ACOT11: variants seen among roughly 807,000 people sequenced by gnomAD.
ACOT11 encodes acyl-coenzyme A thioesterase 11.
ACOT11 carries 69 observed loss-of-function variants against 77.5 expected under a neutral mutation model. The ratio of observed to expected loss-of-function variants is 0.89; its 90% CI spans 0.73 to 1.09. ACOT11 has a LOEUF of 1.09. ACOT11 is among the 50% of genes least tolerant of loss of function. The pLI, the probability that ACOT11 is intolerant of heterozygous loss-of-function variation, is 0.00. For synonymous variants in ACOT11, 279 were observed against 313.0 expected (o/e 0.89, Z 1.15); for missense variants, 766 against 813.7 (o/e 0.94, Z 0.71).
intron 8 of ACOT11, among the ~76,000 whole-genome samples, chr1:54,600,820 C>A (rs573561344): frequency 2.0e-4 from 30 of 152,338 alleles, no homozygotes; most frequent in African/African-American, 7.2e-4. Flanking sequence ...TCCACCTCCA[C>A]CTCCTGGTTT....
downstream of ACOT11, among the ~76,000 whole-genome samples, chr1:54,615,094 G>T (rs77314204): frequency 0.031 from 4,653 of 152,224 alleles, 245 homozygotes; most frequent in African/African-American, 0.11. Context: ...CATCTCCTGC[G>T]GGGAGGAAAC....
At chr1:54,616,372 T>G (rs112151783) in intron 15 of ACOT11, among the ~76,000 whole-genome samples, 2,659 of 147,966 alleles carry the variant, frequency 0.018, 73 homozygotes, top group African/African-American at 0.063. Context: ...TAGGTTTTTG[T>G]TTTTTTTTTG....
intron 1 of ACOT11, among the ~76,000 whole-genome samples, chr1:54,577,556 T>TG (rs1409685047): frequency 1.7e-3 from 256 of 152,342 alleles, no homozygotes; most frequent in African/African-American, 5.6e-3. Context: ...TATATTACAA[T>TG]TTATTCATTT....
At chr1:54,588,153 A>G (rs1463920538) in intron 3 of ACOT11, among the ~76,000 whole-genome samples, 1 of 151,992 alleles carries the variant, frequency 6.6e-6, no homozygotes, top group Non-Finnish European at 1.5e-5. Flanking sequence ...GCAGTGAGCC[A>G]GGATTACACC....
chr1:54,560,563 C>T (rs1653435097), intron 1 of ACOT11, among the ~76,000 whole-genome samples: 1 of 152,220 alleles, frequency 6.6e-6, no homozygotes, highest in South Asian at 2.1e-4. Context: ...AGGTCTCACT[C>T]TGTTGTGCAG....
intron 15 of ACOT11, among the ~76,000 whole-genome samples, chr1:54,629,280 T>C (rs1298243991): frequency 7.6e-6 from 1 of 132,360 alleles, no homozygotes; most frequent in African/African-American, 2.6e-5. Context: ...ATAACATGGT[T>C]TTTTTCTTTT....
intron 1 of ACOT11, among the ~76,000 whole-genome samples, chr1:54,567,681 C>A (rs554275773): frequency 6.6e-6 from 1 of 152,240 alleles, no homozygotes; most frequent in Non-Finnish European, 1.5e-5. Flanking sequence ...GCAGGTGTAG[C>A]TGCCGCTTCC....
Position 54,618,631 on chromosome 1 carries a change from G to A in ACOT11, c.1629+10563G>A, listed in dbSNP as rs192670682. Among the ~76,000 whole-genome samples, 224 of 152,252 alleles carry A rather than the reference G, an allele frequency of 1.5e-3. 1 individual carries two copies. Among genetic ancestry groups the A allele is most frequent in the African/African-American group, 5.1e-3 (211 of 41,544 alleles). On this transcript the variant is annotated intron_variant, in intron 15 of 16. Coordinates refer to the ACOT11 transcript ENST00000371316. ...GGAGGAGAAAGAGATGAGAGGAAAGGATTTGTTTCCTGTGGCCACAGCTGT... is the reference window on the plus strand; with the variant it reads ...GGAGGAGAAAGAGATGAGAGGAAAGAATTTGTTTCCTGTGGCCACAGCTGT...
chr1:54,614,585 G>C (rs1179798541), downstream of ACOT11: 1 of 1,072,284 alleles, frequency 9.3e-7, no homozygotes, highest in East Asian at 2.6e-5. Flanking sequence ...TCAGAGGTGA[G>C]GCTATATATA....
chr1:54,562,319 G>T (rs1653542681), intron 1 of ACOT11, among the ~76,000 whole-genome samples: 5 of 95,326 alleles, frequency 5.2e-5, no homozygotes, highest in Non-Finnish European at 6.3e-5. Flanking sequence ...TGGGGGGGCT[G>T]ACCCCCCCAT....
At chr1:54,614,564 T>G, downstream of ACOT11, 3 of 821,938 alleles carry the variant, frequency 3.6e-6, no homozygotes, top group Non-Finnish European at 5.5e-6. Flanking sequence ...GGGAACAGCA[T>G]GTGCAAAGGC....
intron 1 of ACOT11, among the ~76,000 whole-genome samples, chr1:54,554,319 G>GTA (rs1238767601): frequency 3.8e-4 from 33 of 87,274 alleles, no homozygotes; most frequent in African/African-American, 1.2e-3. Flanking sequence ...GTGTGTGTGT[G>GTA]TGTGTGTGTG....
At chr1:54,550,149 G>C (rs144501839) in intron 1 of ACOT11, among the ~76,000 whole-genome samples, 1 of 152,236 alleles carries the variant, frequency 6.6e-6, no homozygotes, top group African/African-American at 2.4e-5. Context: ...GAACCCAGCA[G>C]TTTGGCCCCA....
chr1:54,606,640 C>T (rs915519398), intron 13 of ACOT11, among the ~76,000 whole-genome samples: 3 of 152,202 alleles, frequency 2.0e-5, no homozygotes, highest in African/African-American at 4.8e-5. Context: ...ATACTAAAAG[C>T]GTCTACAGCA....
chr1:54,573,773 C>T (rs1654004262), intron 1 of ACOT11, among the ~76,000 whole-genome samples: 1 of 151,638 alleles, frequency 6.6e-6, no homozygotes, highest in African/African-American at 2.4e-5. Context: ...CTCACACCTG[C>T]AATCCTAGCA....
At chr1:54,600,266 C>T (rs543663051) in intron 8 of ACOT11, among the ~76,000 whole-genome samples, 3 of 152,194 alleles carry the variant, frequency 2.0e-5, no homozygotes, top group East Asian at 3.9e-4. Flanking sequence ...ATCTGGAATC[C>T]TTGGAAAAAT....
rs780238667 is a variant in ACOT11, at chr1:54,605,149, C to T, written c.1310C>T (p.Ala437Val). 3 of 1,613,946 alleles carry T rather than the reference C, an allele frequency of 1.9e-6. No homozygotes were observed. The Admixed American group carries it at 5.0e-5, about 27-fold the overall frequency. Residue 437 changes from alanine to valine, a missense_variant, in exon 13 of 16, where the codon GCC (alanine) becomes GTC (valine). Physicochemically the swap from Ala to Val is moderately conservative, Grantham distance 64 (BLOSUM62 0). Coordinates refer to ENST00000343744, the MANE Select transcript of ACOT11 (RefSeq NM_147161.4). ...HMEMVVHVDA[A>V]QAFLLLSDLR... ...GAGATGGTGGTGCATGTGGATGCAG[C>T]CCAGGCCTTCCTGCTGCTCTCGGAC...
At position 54,584,562 on chromosome 1, in the gene ACOT11, C is replaced by T. The variant is rs1654429466; in HGVS notation, c.34-93C>T. 7.2e-6 allele frequency: 9 copies of T among 1,256,824 alleles called. No homozygotes were observed. The highest frequency in any genetic ancestry group is 1.5e-5 in the African/African-American group (1 of 67,230). 77.9% of individuals were successfully genotyped at this position (1,256,824 alleles called of 1,614,324 possible). On this transcript the variant is annotated intron_variant, in intron 1 of 15. Coordinates refer to ENST00000343744, the MANE Select transcript of ACOT11 (RefSeq NM_147161.4). This position sits in a 1 kb window ranked among gnomAD's most constrained non-coding sequence, Gnocchi z 6.3. Reference sequence around the variant, plus strand: ...GAGGTGGCCCTAGGTACTCTCTCTCCCCCAGACCCTAAGTTCTCAGGGCTG... The same window carrying T: ...GAGGTGGCCCTAGGTACTCTCTCTCTCCCAGACCCTAAGTTCTCAGGGCTG...
intron 2 of ACOT11, among the ~76,000 whole-genome samples, chr1:54,585,159 G>A (rs1557656662): frequency 6.6e-6 from 1 of 152,182 alleles, no homozygotes; most frequent in Non-Finnish European, 1.5e-5. Flanking sequence ...AGATGCTGTT[G>A]AGCAAAGCCC....
Sources: allele counts gnomAD v4.1 joint callset (sites outside exome capture counted in the v4.1 genomes callset), GRCh38; gene constraint gnomAD v4.1.1; non-coding constraint Gnocchi (gnomAD v3.1); transcripts MANE v1.5; gene names NCBI Gene and HGNC (gene_info 2026-07-23, HGNC 2026-07-21).